Variants in WWP2 observed in about 807,000 individuals in gnomAD.
The protein encoded by WWP2 is NEDD4-like E3 ubiquitin-protein ligase WWP2.
In WWP2, 57 loss-of-function variants were observed where a neutral mutation model predicts 121.0. The ratio of observed to expected loss-of-function variants is 0.47; its 90% CI spans 0.38 to 0.59. WWP2 has a LOEUF of 0.59. Ranked by LOEUF, WWP2 falls within the 20% of genes least tolerant of loss-of-function variation. WWP2 has a pLI of 0.00. For synonymous variants in WWP2, 449 were observed against 441.3 expected (o/e 1.02, Z -0.22); for missense variants, 962 against 1,158.9 (o/e 0.83, Z 2.47).
chr16:69,783,778 T>TCAACAACAACAACAA (rs979156071), intron 1 of WWP2, among the ~76,000 whole-genome samples: 54 of 100,682 alleles, frequency 5.4e-4, no homozygotes, highest in African/African-American at 2.2e-3. Flanking sequence ...AGACCTTGTT[T>TCAACAACAACAACAA]CTACAACAAC....
chr16:69,906,452 G>A (rs11075746), intron 8 of WWP2, among the ~76,000 whole-genome samples: 95,876 of 151,816 alleles, frequency 0.63, 32,612 homozygotes, highest in East Asian at 0.95. Context: ...TAAATAAGAA[G>A]TGGCAGTGAG....
intron 6 of WWP2, among the ~76,000 whole-genome samples, chr16:69,849,898 A>G (rs1349995861): frequency 6.6e-6 from 1 of 152,140 alleles, no homozygotes; most frequent in African/African-American, 2.4e-5. Flanking sequence ...ACCTTATTAT[A>G]CATTTATTTA....
chr16:69,870,143 C>T (rs2057606940), intron 6 of WWP2, among the ~76,000 whole-genome samples: 1 of 152,048 alleles, frequency 6.6e-6, no homozygotes, highest in East Asian at 1.9e-4. Flanking sequence ...ATCTGTAAAG[C>T]GGGGATAATA....
chr16:69,844,631 C>G (rs2173714), intron 6 of WWP2, among the ~76,000 whole-genome samples: 59,629 of 152,008 alleles, frequency 0.39, 11,881 homozygotes, highest in Admixed American at 0.49. Flanking sequence ...AGAATGACAC[C>G]AGGTCATCGG....
intron 11 of WWP2, among the ~76,000 whole-genome samples, chr16:69,926,383 T>G (rs1364596890): frequency 6.6e-6 from 1 of 151,956 alleles, no homozygotes; most frequent in Non-Finnish European, 1.5e-5. Flanking sequence ...TAAACGTTGG[T>G]TTGGTGGTGT....
intron 4 of WWP2, among the ~76,000 whole-genome samples, chr16:69,811,207 G>T (rs2056385540): frequency 6.6e-6 from 1 of 152,136 alleles, no homozygotes; most frequent in Non-Finnish European, 1.5e-5. Context: ...CACTCCTGCA[G>T]CTCTCCCAGG....
rs566082332 is a variant in WWP2 at position 69,799,807 on chromosome 16, C to T, written c.340+512C>T. On this transcript the variant is annotated intron_variant, in intron 4 of 23. Coordinates refer to ENST00000359154, the MANE Select transcript of WWP2 (RefSeq NM_001270454.2). This position sits in a 1 kb window ranked among gnomAD's most constrained non-coding sequence, Gnocchi z 4.5. ...AGTAAACATTTACTGGATGTTGGAA[C>T]GTGATGGACGCGCCATCTGAATTAG... is the stretch of plus-strand genomic sequence containing the variant. Among the ~76,000 whole-genome samples, 2 of 152,248 alleles carry T rather than the reference C, an allele frequency of 1.3e-5. No individual in the cohort carries two copies. The highest frequency in any genetic ancestry group is 1.9e-4 in the East Asian group (1 of 5,174).
Position 69,812,647 on chromosome 16 carries a change from A to G in WWP2, c.340+13352A>G, listed in dbSNP as rs142867697. On this transcript the variant is annotated intron_variant, in intron 4 of 23. Coordinates refer to ENST00000359154, the MANE Select transcript of WWP2 (RefSeq NM_001270454.2). ...GTGCCACCCTGCCCAGCTAATTTTT[A>G]AAAATTATTTGGCAGATTCCCCTCA... 2.0e-4 allele frequency among the ~76,000 whole-genome samples: 30 copies of G among 151,814 alleles called. 1 individual carries two copies. The East Asian group carries it at 2.9e-3, about 15-fold the overall frequency.
intron 8 of WWP2, among the ~76,000 whole-genome samples, chr16:69,904,479 C>T (rs1260363738): frequency 6.6e-6 from 1 of 151,986 alleles, no homozygotes; most frequent in Non-Finnish European, 1.5e-5. Context: ...AGTGATCCTC[C>T]TGCCTCAGTC....
intron 8 of WWP2, among the ~76,000 whole-genome samples, chr16:69,889,430 T>G (rs7196842): frequency 6.6e-6 from 1 of 152,080 alleles, no homozygotes; most frequent in Non-Finnish European, 1.5e-5. Flanking sequence ...GTGGAGATTA[T>G]AAGCATGGAC....
intron 6 of WWP2, among the ~76,000 whole-genome samples, chr16:69,847,032 T>A (rs532504672): frequency 1.3e-5 from 2 of 152,250 alleles, no homozygotes; most frequent in South Asian, 2.1e-4. Flanking sequence ...TAGCTGGGAC[T>A]ACAGGTGTGT....
chr16:69,870,315 T>G (rs2057610994), intron 6 of WWP2, among the ~76,000 whole-genome samples: 1 of 119,046 alleles, frequency 8.4e-6, no homozygotes, highest in African/African-American at 3.6e-5. Flanking sequence ...TTTTTTTTTT[T>G]GGAGACACTC....
At chr16:69,834,141 C>T (rs1187932838) in intron 4 of WWP2, among the ~76,000 whole-genome samples, 1 of 152,184 alleles carries the variant, frequency 6.6e-6, no homozygotes, top group Non-Finnish European at 1.5e-5. Flanking sequence ...GAGTCCCGTC[C>T]CATGTTGAGC....
intron 1 of WWP2, among the ~76,000 whole-genome samples, chr16:69,764,608 C>G (rs1216896833): frequency 6.6e-6 from 1 of 152,188 alleles, no homozygotes; most frequent in Non-Finnish European, 1.5e-5. Flanking sequence ...TTAGAAAACG[C>G]TGTACTCTAC....
chr16:69,931,362 G>A (rs2058708903), intron 14 of WWP2, 135 bp downstream of exon 14: 3 of 1,454,628 alleles, frequency 2.1e-6, no homozygotes, highest in Non-Finnish European at 1.9e-6. Context: ...CCCGGAGCTG[G>A]CTGTCTCTAG....
chr16:69,831,939 C>G (rs963987327), intron 4 of WWP2, among the ~76,000 whole-genome samples: 1 of 148,616 alleles, frequency 6.7e-6, no homozygotes, highest in Non-Finnish European at 1.5e-5. Flanking sequence ...AGCGATTATT[C>G]CGCCTCAGCC....
chr16:69,923,451 G>C (rs2058594122), intron 10 of WWP2, among the ~76,000 whole-genome samples: 1 of 152,088 alleles, frequency 6.6e-6, no homozygotes, highest in African/African-American at 2.4e-5. Context: ...TTCAGAAAAG[G>C]GCTGATCAGT....
intron 4 of WWP2, among the ~76,000 whole-genome samples, chr16:69,826,571 C>CAAA (rs762732099): frequency 5.4e-5 from 2 of 37,210 alleles, no homozygotes; most frequent in Admixed American, 3.0e-4. Flanking sequence ...GACTCCGTCT[C>CAAA]AAAAAAAAAA....
intron 4 of WWP2, among the ~76,000 whole-genome samples, chr16:69,834,384 A>G (rs1024458346): frequency 3.3e-5 from 5 of 151,788 alleles, no homozygotes; most frequent in African/African-American, 9.7e-5. Context: ...TCTTTGCTCA[A>G]TTGTCACCTT....
Sources: gnomAD v4.1 joint callset for allele counts (sites outside exome capture counted in the v4.1 genomes callset) on GRCh38, gnomAD v4.1.1 for gene constraint, Gnocchi (gnomAD v3.1) non-coding constraint, MANE v1.5 for transcripts, NCBI Gene and HGNC (gene_info 2026-07-23, HGNC 2026-07-21) for gene names.